SYBU: variants seen among roughly 807,000 people sequenced by gnomAD.
SYBU encodes GOLSYN A protein.
SYBU carries 21 observed loss-of-function variants against 35.9 expected under a neutral mutation model. The ratio of observed to expected loss-of-function variants is 0.58; its 90% CI spans 0.41 to 0.84. The LOEUF is 0.84. Among genes scored for constraint, SYBU ranks in the 40% least tolerant of loss-of-function variants. The pLI is 0.00. For synonymous variants in SYBU, 319 were observed against 324.3 expected, an observed-to-expected ratio of 0.98 and a Z score of 0.18; for missense variants, 768 against 848.2, an observed-to-expected ratio of 0.91 and a Z score of 1.17.
chr8:109,613,626 A>C (rs2130279162), intron 3 of SYBU, among the ~76,000 whole-genome samples: 1 of 152,020 alleles, frequency 6.6e-6, no homozygotes, highest in East Asian at 1.9e-4. Context: ...CTACACTCTC[A>C]ACTCCCCTCT....
intron 1 of SYBU, among the ~76,000 whole-genome samples, chr8:109,690,149 G>T (rs1351869057): frequency 6.6e-6 from 1 of 152,082 alleles, no homozygotes; most frequent in Non-Finnish European, 1.5e-5. Context: ...TAGTACTATT[G>T]TAAAATAAAT....
At chr8:109,599,805 G>A (rs1422574257) in intron 3 of SYBU, among the ~76,000 whole-genome samples, 1 of 152,090 alleles carries the variant, frequency 6.6e-6, no homozygotes, top group African/African-American at 2.4e-5. Context: ...TCTTTAGCAC[G>A]ATTTACAAAC....
chr8:109,640,351 C>CT (rs58791426), intron 2 of SYBU, among the ~76,000 whole-genome samples: 9 of 151,662 alleles, frequency 5.9e-5, no homozygotes, highest in South Asian at 2.1e-4. Flanking sequence ...TGGGGTTTTC[C>CT]TTTTTTTTGT....
intron 3 of SYBU, among the ~76,000 whole-genome samples, chr8:109,615,906 T>C (rs574987387): frequency 4.0e-5 from 6 of 151,466 alleles, no homozygotes; most frequent in African/African-American, 1.5e-4. Flanking sequence ...GATCCATGAA[T>C]CAAAATAGCA....
At chr8:109,669,339 C>CAAAAAA (rs533510895) in intron 1 of SYBU, among the ~76,000 whole-genome samples, 23 of 49,696 alleles carry the variant, frequency 4.6e-4, no homozygotes, top group African/African-American at 6.1e-4. Context: ...GAGACTCCGT[C>CAAAAAA]AAAAAAAAAA....
At chr8:109,592,806 T>A (rs1323840663) in intron 3 of SYBU, among the ~76,000 whole-genome samples, 1 of 152,240 alleles carries the variant, frequency 6.6e-6, no homozygotes, top group Admixed American at 6.5e-5. Flanking sequence ...GCCTTACTTA[T>A]ATATGTATAC....
chr8:109,602,859 G>A (rs1327000161), intron 3 of SYBU, among the ~76,000 whole-genome samples: 1 of 152,316 alleles, frequency 6.6e-6, no homozygotes, highest in South Asian at 2.1e-4. Flanking sequence ...GCTTAGTGGC[G>A]TTGGGGTTGT....
intron 3 of SYBU, among the ~76,000 whole-genome samples, chr8:109,602,705 T>C (rs1234718128): frequency 1.3e-5 from 2 of 152,162 alleles, no homozygotes; most frequent in Non-Finnish European, 2.9e-5. Context: ...AGTGCTGGGA[T>C]TACAGGTGTC....
chr8:109,666,010 T>G (rs1816739601), intron 1 of SYBU, among the ~76,000 whole-genome samples: 1 of 152,206 alleles, frequency 6.6e-6, no homozygotes, highest in South Asian at 2.1e-4. Flanking sequence ...TACTGAGAGC[T>G]TGCACGTTTC....
rs1165376453 is a variant in SYBU at position 109,574,879 on chromosome 8, T to C, written c.*27A>G. ...CCTGGCACAACCCACATGGGACACATTGGCACACGGTAACAACAACTTCTA... is the reference window on the plus strand; with the variant it reads ...CCTGGCACAACCCACATGGGACACACTGGCACACGGTAACAACAACTTCTA... On this transcript the variant is annotated 3_prime_UTR_variant, in exon 7 of 7. Transcript: ENST00000276646. 5.3e-6 allele frequency: 8 copies of C among 1,510,380 alleles called. No homozygotes were observed. The highest frequency in any genetic ancestry group is 4.6e-5 in the Admixed American group (2 of 43,886). The allele number at this position is 1,510,380 out of a possible 1,614,324, so 93.6% of individuals were successfully genotyped here.
intron 5 of SYBU, 78 bp from the exon 6 acceptor site, chr8:109,578,095 T>C: frequency 7.0e-7 from 1 of 1,428,232 alleles, no homozygotes; most frequent in Non-Finnish European, 9.5e-7. Flanking sequence ...CAGAGTGTTA[T>C]CAACTGAATG....
At chr8:109,602,278 T>C (rs531952792) in intron 3 of SYBU, among the ~76,000 whole-genome samples, 1 of 152,218 alleles carries the variant, frequency 6.6e-6, no homozygotes, top group African/African-American at 2.4e-5. Context: ...ATACGTATGT[T>C]TGGAAAAGCA....
rs201364517 is a variant in SYBU at position 109,575,975 on chromosome 8, C to T, written c.923G>A (p.Arg308His). The change falls in exon 7 of 7, where the codon CGC becomes CAC. Residue 308 changes from arginine to histidine, a missense_variant. Arg to His is a conservative substitution (Grantham distance 29). Coordinates refer to ENST00000276646, the MANE Select transcript of SYBU (RefSeq NM_001099754.2). ...EIVELKSQLA[R>H]MREDWIEEEC... is the part of the protein sequence containing the mutation. ...CTCCTCAATCCAGTCCTCTCGCATG[C>T]GGGCCAGCTGGGACTTAAGCTCCAC... 56 of 1,573,404 alleles carry T rather than the reference C, an allele frequency of 3.6e-5. No homozygotes were observed. Among genetic ancestry groups the T allele is most frequent in the Non-Finnish European group, 4.3e-5 (50 of 1,157,792 alleles).
chr8:109,575,635 C>G lies in SYBU; in HGVS notation c.1263G>C (p.Thr421=), dbSNP rs750027113. The G allele has an allele frequency of 1.2e-6, 2 of 1,614,094 alleles. No individual in the cohort carries two copies. The highest frequency in any genetic ancestry group is 1.1e-5 in the South Asian group (1 of 91,078). ...GTAGCTCCCTGTCAGCCCCTTCCCC[C>G]GTGACCTGCTCTTCCAGAGATAACC... ...ADGLSLEEQV[T]GEGADRELLV... Residue 421 remains threonine, a synonymous_variant, in exon 7 of 7, where the codon ACG becomes ACC. Transcript: ENST00000276646.
intron 1 of SYBU, among the ~76,000 whole-genome samples, chr8:109,689,159 T>G (rs915614997): frequency 6.6e-6 from 1 of 152,166 alleles, no homozygotes; most frequent in Non-Finnish European, 1.5e-5. Flanking sequence ...TTTGAAATTA[T>G]TATAGACTCA....
At chr8:109,621,766 G>A (rs1223050445) in intron 2 of SYBU, among the ~76,000 whole-genome samples, 1 of 152,186 alleles carries the variant, frequency 6.6e-6, no homozygotes, top group Non-Finnish European at 1.5e-5. Context: ...TGTGGGTTAT[G>A]GAAGAAGCCT....
At chr8:109,690,687 C>G (rs756090834) in intron 1 of SYBU, among the ~76,000 whole-genome samples, 11 of 152,178 alleles carry the variant, frequency 7.2e-5, no homozygotes, top group Non-Finnish European at 1.0e-4. Flanking sequence ...TCACAGATAT[C>G]TTTTACTGTA....
At chr8:109,604,530 G>A (rs1486338615) in intron 3 of SYBU, among the ~76,000 whole-genome samples, 5 of 152,200 alleles carry the variant, frequency 3.3e-5, no homozygotes, top group South Asian at 2.1e-4. Context: ...CAAATGAGTA[G>A]CATTACCAGG....
intron 3 of SYBU, among the ~76,000 whole-genome samples, chr8:109,609,325 T>C (rs1442273314): frequency 2.6e-5 from 4 of 152,210 alleles, no homozygotes. Flanking sequence ...ATGGAATTGT[T>C]TAAAATGGAA....
Sources: gnomAD v4.1 joint callset for allele counts (sites outside exome capture counted in the v4.1 genomes callset) on GRCh38, gnomAD v4.1.1 for gene constraint, MANE v1.5 for transcripts, NCBI Gene and HGNC (gene_info 2026-07-23, HGNC 2026-07-21) for gene names.